The following INPP5D variants were observed in gnomAD, a reference collection of about 807,000 sequenced individuals.
INPP5D encodes the protein phosphatidylinositol 3,4,5-trisphosphate 5-phosphatase 1.
A neutral mutation model predicts 122.9 loss-of-function variants in INPP5D; 33 were observed. The ratio of observed to expected loss-of-function variants is 0.27; its 90% CI spans 0.20 to 0.36. INPP5D has a LOEUF of 0.36. Ranked by LOEUF, INPP5D falls within the 10% of genes least tolerant of loss-of-function variation. INPP5D has a pLI of 1.00. For synonymous variants in INPP5D, 584 were observed against 576.2 expected, an observed-to-expected ratio of 1.01 and a Z score of -0.19; for missense variants, 1,053 against 1,412.7, an observed-to-expected ratio of 0.75 and a Z score of 4.08.
intron 18 of INPP5D, 83 bp from the exon 19 acceptor site, chr2:233,182,327 C>CT: frequency 6.3e-7 from 1 of 1,576,824 alleles, no homozygotes; most frequent in South Asian, 1.1e-5. Context: ...ACTAAAGTTT[C>CT]TTTCTGCTTT....
At position 233,078,885 on chromosome 2, in the gene INPP5D, G is replaced by T. The variant is rs2106209152; in HGVS notation, c.135-450G>T. On this transcript the variant is annotated intron_variant, in intron 1 of 26. Coordinates refer to ENST00000445964, the MANE Select transcript of INPP5D (RefSeq NM_001017915.3). This position sits in a 1 kb window ranked among gnomAD's most constrained non-coding sequence, Gnocchi z 4.6. ...TTTAGTAGAGATGGGATTTCACCAT[G>T]TTGGCCAGGATGGTCTCAATCTCTT... 6.6e-6 allele frequency among the ~76,000 whole-genome samples: 1 copy of T among 152,156 alleles called. No individual in the cohort carries two copies. Among genetic ancestry groups the T allele is most frequent in the Admixed American group, 6.5e-5 (1 of 15,274 alleles).
chr2:233,164,534 A>G lies in INPP5D; in HGVS notation c.1555+110A>G. 7.2e-7 allele frequency: 1 copy of G among 1,382,638 alleles called. No individual in the cohort carries two copies. The highest frequency in any genetic ancestry group is 9.5e-7 in the Non-Finnish European group (1 of 1,052,572). 85.6% of individuals were successfully genotyped at this position (1,382,638 alleles called of 1,614,324 possible). A position where few individuals can be genotyped will look rare whatever the true frequency, so the allele number is the denominator to read the frequency against. Reference sequence around the variant, plus strand: ...CCCCGGGTTAAAAACAGAGAGCCTCACATCCTCAGATCCTGGCTCAGTCCT... The same window carrying G: ...CCCCGGGTTAAAAACAGAGAGCCTCGCATCCTCAGATCCTGGCTCAGTCCT... On this transcript the variant is annotated intron_variant, in intron 13 of 26. Coordinates refer to ENST00000445964, the MANE Select transcript of INPP5D (RefSeq NM_001017915.3). The surrounding 1 kb of genome is among the most constrained non-coding windows in gnomAD (Gnocchi z 4.3).
At position 233,170,924 on chromosome 2, in the gene INPP5D, A is replaced by C; in HGVS notation, c.1901-140A>C. The C allele has an allele frequency of 1.1e-6, 1 of 945,936 alleles. No homozygotes were observed. Among genetic ancestry groups the C allele is most frequent in the Non-Finnish European group, 1.5e-6 (1 of 666,772 alleles). The allele number at this position is 945,936 out of a possible 1,614,324, so 58.6% of individuals were successfully genotyped here. ...CCGTCTCAAAAAAAAAAAAAAAAAA[A>C]GCAGCAGCCTCTCCTCTTGGAGCCT... On this transcript the variant is annotated intron_variant, in intron 16 of 26. Transcript: ENST00000445964. This position sits in a 1 kb window ranked among gnomAD's most constrained non-coding sequence, Gnocchi z 4.5.
At position 233,080,864 on chromosome 2, in the gene INPP5D, A is replaced by T. The variant is rs566440666; in HGVS notation, c.198+1466A>T. ...ATGGAAGGAATTGCTTCGAGGAGCG[A>T]TGTGATTGAGAGAGGCCCAAGGGGC... is the stretch of plus-strand genomic sequence containing the variant. On this transcript the variant is annotated intron_variant, in intron 2 of 26. Transcript: ENST00000445964. Among the ~76,000 whole-genome samples the T allele has an allele frequency of 6.8e-4, 104 of 152,256 alleles. No individual in the cohort carries two copies. In the South Asian group the frequency reaches 0.011, roughly 17 times the overall value.
chr2:233,185,735 AAAG>A, intron 20 of INPP5D, 105 bp from the exon 21 acceptor site: 1 of 1,176,420 alleles, frequency 8.5e-7, no homozygotes, highest in Non-Finnish European at 1.1e-6. Context: ...AAAAAAAAAA[AAAG>A]GAGAGAGCAC....
chr2:233,156,329 C>T (rs1355030734), intron 9 of INPP5D, among the ~76,000 whole-genome samples: 3 of 152,138 alleles, frequency 2.0e-5, no homozygotes, highest in Non-Finnish European at 4.4e-5. Flanking sequence ...CTCACTCTGT[C>T]GCCAGGCTGG....
At chr2:233,108,039 C>T (rs1483613754) in intron 2 of INPP5D, among the ~76,000 whole-genome samples, 1 of 152,144 alleles carries the variant, frequency 6.6e-6, no homozygotes. Flanking sequence ...CAGTTTCCCC[C>T]CTCCCACCTC....
chr2:233,123,812 T>C (rs959205874), intron 3 of INPP5D, among the ~76,000 whole-genome samples: 3 of 152,242 alleles, frequency 2.0e-5, no homozygotes, highest in African/African-American at 7.2e-5. Flanking sequence ...TCATGTCCTT[T>C]GCAGGAACAT....
rs1373235611 is a variant in INPP5D at position 233,061,501 on chromosome 2, CTGA to C, written c.134+890_134+892del. On this transcript the variant is annotated intron_variant, in intron 1 of 26. Coordinates refer to ENST00000445964, the MANE Select transcript of INPP5D (RefSeq NM_001017915.3). ...TGTAGTCAGGGAAATGTGTGTCCAC[CTGA>C]ACATCTCAAGTAGCATCCCTGGGCT... 2.0e-5 allele frequency among the ~76,000 whole-genome samples: 3 copies of C among 152,110 alleles called. No individual in the cohort carries two copies. The East Asian group carries it at 5.8e-4, about 29-fold the overall frequency.
chr2:233,177,487 T>A lies in INPP5D; in HGVS notation c.2071+141T>A. ...TCACTGTAACCCTAATCAGGCGACC[T>A]GGAAATGTTGATGCTTCCCTGCCTG... On this transcript the variant is annotated intron_variant, in intron 18 of 26. Transcript: ENST00000445964. The surrounding 1 kb of genome is among the most constrained non-coding windows in gnomAD (Gnocchi z 4.2). 1 of 1,378,108 alleles carries A rather than the reference T, an allele frequency of 7.3e-7. No individual in the cohort carries two copies. Among genetic ancestry groups the A allele is most frequent in the Non-Finnish European group, 9.9e-7 (1 of 1,005,252 alleles). The allele number at this position is 1,378,108 out of a possible 1,614,324, so 85.4% of individuals were successfully genotyped here.
Position 233,164,999 on chromosome 2 carries a change from G to A in INPP5D, c.1555+575G>A, listed in dbSNP as rs6725722. ...CACCAGGTTGGATCTGGAAACGCTG[G>A]TGTCAGTGGAGAGTTGCTGGCTTCA... On this transcript the variant is annotated intron_variant, in intron 13 of 26. Coordinates refer to ENST00000445964, the MANE Select transcript of INPP5D (RefSeq NM_001017915.3). The surrounding 1 kb of genome is among the most constrained non-coding windows in gnomAD (Gnocchi z 4.3). Among the ~76,000 whole-genome samples, 4,799 of 152,312 alleles carry A rather than the reference G, an allele frequency of 0.032. 111 individuals are homozygous for A. Among genetic ancestry groups the A allele is most frequent in the Middle Eastern group, 0.078 (23 of 294 alleles).
chr2:233,117,473 G>C (rs1692835126), intron 2 of INPP5D, among the ~76,000 whole-genome samples: 1 of 152,182 alleles, frequency 6.6e-6, no homozygotes, highest in Non-Finnish European at 1.5e-5. Flanking sequence ...TTTTTGGCGG[G>C]GGAGGGGATC....
intron 2 of INPP5D, among the ~76,000 whole-genome samples, chr2:233,080,799 G>A (rs548823425): frequency 2.1e-4 from 32 of 152,196 alleles, no homozygotes; most frequent in African/African-American, 7.5e-4. Context: ...GAGGGAGAGC[G>A]TGGTGAGCAG....
In INPP5D at chr2:233,171,451, C is replaced by T. The variant is rs149034876; in HGVS notation, c.1989+299C>T. The stretch of plus-strand genomic sequence containing the variant: ...TCTGAAGATCATTTTTTTAAAGTCC[C>T]GTGATCAAATATATTTACTAAACTG... On this transcript the variant is annotated intron_variant, in intron 17 of 26. Transcript: ENST00000445964. Among the ~76,000 whole-genome samples, 502 of 152,130 alleles carry T rather than the reference C, an allele frequency of 3.3e-3. 1 individual carries two copies. The highest frequency in any genetic ancestry group is 5.6e-3 in the Non-Finnish European group (383 of 67,974).
chr2:233,117,074 G>T (rs1360715341), intron 2 of INPP5D, among the ~76,000 whole-genome samples: 1 of 152,220 alleles, frequency 6.6e-6, no homozygotes, highest in Non-Finnish European at 1.5e-5. Context: ...CATCACTTGG[G>T]GGCCGCCGGT....
chr2:233,106,129 C>T (rs112788603), intron 2 of INPP5D, among the ~76,000 whole-genome samples: 3 of 152,330 alleles, frequency 2.0e-5, no homozygotes, highest in African/African-American at 7.2e-5. Flanking sequence ...ATTTTTCCCA[C>T]CACACTTGTA....
intron 23 of INPP5D, 80 bp from the exon 24 acceptor site, chr2:233,195,319 A>G: frequency 6.2e-7 from 1 of 1,606,564 alleles, no homozygotes; most frequent in Non-Finnish European, 8.5e-7. Flanking sequence ...CAGCCTGCAA[A>G]TGGAAACCCC....
intron 1 of INPP5D, among the ~76,000 whole-genome samples, chr2:233,064,360 C>T (rs1021400317): frequency 9.2e-5 from 14 of 152,360 alleles, no homozygotes; most frequent in Non-Finnish European, 1.9e-4. Flanking sequence ...TGGCCTTCCA[C>T]AGGCCACCCA....
chr2:233,173,133 C>G (rs940574251), intron 17 of INPP5D, among the ~76,000 whole-genome samples: 1 of 150,552 alleles, frequency 6.6e-6, no homozygotes, highest in Non-Finnish European at 1.5e-5. Flanking sequence ...CGCTTGAACC[C>G]GGGAGATGGA....
Sources: gnomAD v4.1 joint callset for allele counts (sites outside exome capture counted in the v4.1 genomes callset) on GRCh38, gnomAD v4.1.1 for gene constraint, Gnocchi (gnomAD v3.1) non-coding constraint, MANE v1.5 for transcripts, NCBI Gene and HGNC (gene_info 2026-07-23, HGNC 2026-07-21) for gene names.